Variants in HRK observed in about 807,000 individuals in gnomAD.
The protein encoded by HRK is activator of apoptosis harakiri.
HRK carries 6 observed loss-of-function variants against 5.9 expected under a neutral mutation model. That is an observed-to-expected ratio of 1.02 (90% CI 0.56 to 2.01). HRK has a LOEUF of 2.01. Ranked by LOEUF, HRK falls within the 30% of genes most tolerant of loss-of-function variation. The pLI is 0.00. For missense variants in HRK, 133 were observed against 128.3 expected (o/e 1.04, Z -0.18); for synonymous variants, 85 against 65.1 (o/e 1.31, Z -1.47).
chr12:116,866,291 A>T (rs897097774), intron 1 of HRK, among the ~76,000 whole-genome samples: 1 of 150,436 alleles, frequency 6.6e-6, no homozygotes, highest in African/African-American at 2.4e-5. Context: ...GCATGGTGGC[A>T]TGTGTCCCTA....
chr12:116,858,761 A>G lies in HRK; in HGVS notation c.*2762T>C, dbSNP rs1878248829. 6.6e-6 allele frequency: 1 copy of G among 151,822 alleles called. No individual in the cohort carries two copies. Among genetic ancestry groups the G allele is most frequent in the African/African-American group, 2.4e-5 (1 of 41,288 alleles). The allele number at this position is 151,822 out of a possible 1,614,324, so 9.4% of individuals were successfully genotyped here. A position where few individuals can be genotyped will look rare whatever the true frequency, so the allele number is the denominator to read the frequency against. ...AATGACTCCTTGGCAGCCAGAGAAA[A>G]GTGGGGGAGCGGTGGAGGAGAGGGA... On this transcript the variant is annotated 3_prime_UTR_variant, in exon 2 of 2. Coordinates refer to ENST00000257572, the MANE Select transcript of HRK (RefSeq NM_003806.4).
At position 116,860,159 on chromosome 12, in the gene HRK, C is replaced by A. The variant is rs925632201; in HGVS notation, c.*1364G>T. On this transcript the variant is annotated 3_prime_UTR_variant, in exon 2 of 2. Coordinates refer to ENST00000257572, the MANE Select transcript of HRK (RefSeq NM_003806.4). ...CTTTGAAAATGGCAGTGTGTGGTAT[C>A]CTGCACAGAGGAAGAATACCTGCTT... is the stretch of plus-strand genomic sequence containing the variant. 6.6e-5 allele frequency: 10 copies of A among 152,194 alleles called. No individual in the cohort carries two copies. Among genetic ancestry groups the A allele is most frequent in the African/African-American group, 2.4e-4 (10 of 41,436 alleles). The allele number at this position is 152,194 out of a possible 1,614,324, so 9.4% of individuals were successfully genotyped here.
chr12:116,877,426 T>C (rs1878976453), intron 1 of HRK, among the ~76,000 whole-genome samples: 1 of 152,170 alleles, frequency 6.6e-6, no homozygotes, highest in Non-Finnish European at 1.5e-5. Flanking sequence ...AGCTCCAGTT[T>C]ACAGATAAAG....
chr12:116,870,732 C>T (rs544944402), intron 1 of HRK, among the ~76,000 whole-genome samples: 6 of 152,086 alleles, frequency 3.9e-5, no homozygotes, highest in Admixed American at 2.6e-4. Flanking sequence ...GAGCCCAGGT[C>T]GAGGCTGCAG....
chr12:116,872,770 G>A (rs965007686), intron 1 of HRK, among the ~76,000 whole-genome samples: 2 of 148,354 alleles, frequency 1.3e-5, no homozygotes, highest in Admixed American at 6.8e-5. Flanking sequence ...GTAAGACCCC[G>A]TCTCAAAAAA....
Position 116,879,838 on chromosome 12 carries a change from G to A in HRK, c.*56+1138C>T, listed in dbSNP as rs1450936438. 1.3e-5 allele frequency among the ~76,000 whole-genome samples: 2 copies of A among 152,188 alleles called. No individual in the cohort carries two copies. The highest frequency in any genetic ancestry group is 6.5e-5 in the Admixed American group (1 of 15,284). On this transcript the variant is annotated intron_variant, in intron 1 of 1. Coordinates refer to ENST00000257572, the MANE Select transcript of HRK (RefSeq NM_003806.4). This position sits in a 1 kb window ranked among gnomAD's most constrained non-coding sequence, Gnocchi z 5.6. Reference sequence around the variant, plus strand: ...CTTCCCAGGGTGTCTGCGGCGCGCGGCGGGGCTCGGGGGCGGGGACCTAAG... The same window carrying A: ...CTTCCCAGGGTGTCTGCGGCGCGCGACGGGGCTCGGGGGCGGGGACCTAAG...
chr12:116,856,965 G>A lies in HRK; in HGVS notation c.*4558C>T, dbSNP rs908670211. On this transcript the variant is annotated 3_prime_UTR_variant, in exon 2 of 2. Transcript: ENST00000257572. The surrounding 1 kb of genome is among the most constrained non-coding windows in gnomAD (Gnocchi z 4.4). The stretch of plus-strand genomic sequence containing the variant: ...TGGGAGTGGCGAGCACGCCATAAAA[G>A]GTAGCTTTGATTATTGTGTAAAGCA... The A allele has an allele frequency of 6.6e-6, 1 of 152,254 alleles. No individual in the cohort carries two copies. The highest frequency in any genetic ancestry group is 2.4e-5 in the African/African-American group (1 of 41,456). The allele number at this position is 152,254 out of a possible 1,614,324, so 9.4% of individuals were successfully genotyped here.
chr12:116,865,958 G>A (rs913559167), intron 1 of HRK, among the ~76,000 whole-genome samples: 9 of 152,018 alleles, frequency 5.9e-5, no homozygotes, highest in Non-Finnish European at 1.3e-4. Context: ...AGGAGTTTGA[G>A]ACCAGCCTGG....
intron 1 of HRK, chr12:116,869,760 T>C (rs1036933353): frequency 5.9e-5 from 9 of 152,240 alleles, no homozygotes; most frequent in African/African-American, 2.2e-4. Context: ...TCACATATTC[T>C]AAGTCTGAGC....
chr12:116,858,238 AG>A lies in HRK; in HGVS notation c.*3284del, dbSNP rs1329746115. 1 of 151,786 alleles carries A rather than the reference AG, an allele frequency of 6.6e-6. No individual in the cohort carries two copies. Among genetic ancestry groups the A allele is most frequent in the African/African-American group, 2.4e-5 (1 of 41,294 alleles). The allele number at this position is 151,786 out of a possible 1,614,324, so 9.4% of individuals were successfully genotyped here. On this transcript the variant is annotated 3_prime_UTR_variant, in exon 2 of 2. Coordinates refer to ENST00000257572, the MANE Select transcript of HRK (RefSeq NM_003806.4). ...GGGGTCTAGGACATGCGCACGGCCT[AG>A]GACCATGGACAGCAGCCATTGGGGC...
chr12:116,878,265 C>T lies in HRK; in HGVS notation c.*56+2711G>A, dbSNP rs1879009548. ...CATATAGCGGAGCACACCCTTTAAA[C>T]CTATGGGAATTGAAAGTGGTAGTTC... On this transcript the variant is annotated intron_variant, in intron 1 of 1. Transcript: ENST00000257572. This position sits in a 1 kb window ranked among gnomAD's most constrained non-coding sequence, Gnocchi z 4.4. Among the ~76,000 whole-genome samples the T allele has an allele frequency of 6.6e-6, 1 of 152,190 alleles. No individual in the cohort carries two copies. The highest frequency in any genetic ancestry group is 1.5e-5 in the Non-Finnish European group (1 of 68,034).
intron 1 of HRK, among the ~76,000 whole-genome samples, chr12:116,870,768 G>A (rs142810362): frequency 0.011 from 1,659 of 152,138 alleles, 28 homozygotes; most frequent in African/African-American, 0.037. Context: ...CCATTGCACC[G>A]CAGCCTGGGC....
Position 116,879,363 on chromosome 12 carries a change from T to C in HRK, c.*56+1613A>G, listed in dbSNP as rs4767467. ...AAACTTCTTGTCCCTCCCCATCTCG[T>C]CGCTTGTTTTTTCTCTTCCTCTTCG... On this transcript the variant is annotated intron_variant, in intron 1 of 1. Transcript: ENST00000257572. This position sits in a 1 kb window ranked among gnomAD's most constrained non-coding sequence, Gnocchi z 5.6. The C allele has an allele frequency of 6.6e-6, 1 of 152,292 alleles. No individual in the cohort carries two copies. Among genetic ancestry groups the C allele is most frequent in the Non-Finnish European group, 1.5e-5 (1 of 68,080 alleles). The allele number at this position is 152,292 out of a possible 1,614,324, so 9.4% of individuals were successfully genotyped here.
chr12:116,870,063 G>C (rs1263649669), intron 1 of HRK, among the ~76,000 whole-genome samples: 1 of 151,748 alleles, frequency 6.6e-6, no homozygotes, highest in Non-Finnish European at 1.5e-5. Context: ...CTGGGCAACA[G>C]AGTGAGACTC....
chr12:116,874,423 CA>C (rs1307372750), intron 1 of HRK, among the ~76,000 whole-genome samples: 1 of 152,188 alleles, frequency 6.6e-6, no homozygotes, highest in Non-Finnish European at 1.5e-5. Context: ...CCCTCATCAC[CA>C]CAGGTGAGGA....
intron 1 of HRK, chr12:116,867,901 G>C (rs1878603310): frequency 6.6e-6 from 1 of 152,110 alleles, no homozygotes; most frequent in South Asian, 2.1e-4. Context: ...GAAGAGCATA[G>C]GGGGCTCCCT....
chr12:116,860,480 T>C lies in HRK; in HGVS notation c.*1043A>G, dbSNP rs752497658. ...ATAAAACCTAAACCCTGAAATCCCC[T>C]TGGGGAGTGGAGGAGGCTGTGGGCT... On this transcript the variant is annotated 3_prime_UTR_variant, in exon 2 of 2. Transcript: ENST00000257572. 3.9e-5 allele frequency: 6 copies of C among 152,124 alleles called. No homozygotes were observed. The highest frequency in any genetic ancestry group is 1.9e-4 in the East Asian group (1 of 5,186). The allele number at this position is 152,124 out of a possible 1,614,324, so 9.4% of individuals were successfully genotyped here. A position where few individuals can be genotyped will look rare whatever the true frequency, so the allele number is the denominator to read the frequency against.
Position 116,881,151 on chromosome 12 carries a change from G to A in HRK, c.157C>T (p.Arg53Cys), listed in dbSNP as rs1427326398. 20 of 1,184,422 alleles carry A rather than the reference G, an allele frequency of 1.7e-5. No homozygotes were observed. Among genetic ancestry groups the A allele is most frequent in the Admixed American group, 4.5e-5 (1 of 22,072 alleles). 73.4% of individuals were successfully genotyped at this position (1,184,422 alleles called of 1,614,324 possible). Reference protein sequence around the residue: ...ELHQRTMWRRRARSRRAPAPG... With the variant: ...ELHQRTMWRRCARSRRAPAPG... ...GCCGGCGCCCTCCGGCTCCGCGCGCGGCGCCGCCACATGGTGCGCTGGTGC... is the reference window on the plus strand; with the variant it reads ...GCCGGCGCCCTCCGGCTCCGCGCGCAGCGCCGCCACATGGTGCGCTGGTGC... The change falls in exon 1 of 2, where the codon CGC becomes TGC. Residue 53 changes from arginine (R) to cysteine (C), a missense_variant. Arg to Cys is a radical substitution (Grantham distance 180). Coordinates refer to ENST00000257572, the MANE Select transcript of HRK (RefSeq NM_003806.4).
chr12:116,874,431 A>AT (rs1878863794), intron 1 of HRK, among the ~76,000 whole-genome samples: 1 of 152,170 alleles, frequency 6.6e-6, no homozygotes, highest in Non-Finnish European at 1.5e-5. Context: ...ACCACAGGTG[A>AT]GGAGTCCCTG....
Sources: allele counts gnomAD v4.1 joint callset (sites outside exome capture counted in the v4.1 genomes callset), GRCh38; gene constraint gnomAD v4.1.1; non-coding constraint Gnocchi (gnomAD v3.1); transcripts MANE v1.5; gene names NCBI Gene and HGNC (gene_info 2026-07-23, HGNC 2026-07-21).